PRKAR1B: variants seen among roughly 807,000 people sequenced by gnomAD.
PRKAR1B encodes the protein protein kinase cAMP-dependent type I regulatory subunit beta, also known as cAMP-dependent protein kinase type I-beta regulatory subunit.
A neutral mutation model predicts 46.5 loss-of-function variants in PRKAR1B; 22 were observed. The observed-to-expected ratio is 0.47, with a 90% CI of 0.34 to 0.68. The LOEUF is 0.68. Among genes scored for constraint, PRKAR1B ranks in the 30% least tolerant of loss-of-function variants. The pLI is 0.01. For missense variants in PRKAR1B, 445 were observed against 535.6 expected (o/e 0.83, Z 1.67); for synonymous variants, 259 against 217.7 (o/e 1.19, Z -1.67).
intron 3 of PRKAR1B, 146 bp from the exon 4 acceptor site, chr7:677,466 C>T: frequency 1.4e-6 from 1 of 702,670 alleles, no homozygotes; most frequent in Non-Finnish European, 2.5e-6. Flanking sequence ...TATTTCACCA[C>T]TGTTTTTTTC....
upstream of PRKAR1B, among the ~76,000 whole-genome samples, chr7:728,227 G>T (rs777587058): frequency 6.6e-6 from 1 of 152,154 alleles, no homozygotes; most frequent in Non-Finnish European, 1.5e-5. Flanking sequence ...GATAGCAGGC[G>T]CCTGCTTCCT....
chr7:677,145 C>A (rs1583403840), intron 4 of PRKAR1B, 84 bp downstream of exon 4: 12 of 1,339,860 alleles, frequency 9.0e-6, no homozygotes, highest in Non-Finnish European at 1.2e-5. Context: ...GGCAGTGATG[C>A]CCAGGCAAGT....
At chr7:725,075 G>A (rs957399762) in intron 1 of PRKAR1B, among the ~76,000 whole-genome samples, 2 of 152,076 alleles carry the variant, frequency 1.3e-5, no homozygotes, top group Admixed American at 6.5e-5. Flanking sequence ...TTAGCTGGGC[G>A]TGGTCGTGGG....
intron 9 of PRKAR1B, among the ~76,000 whole-genome samples, chr7:561,224 A>C (rs1778777787): frequency 6.6e-6 from 1 of 150,596 alleles, no homozygotes; most frequent in Non-Finnish European, 1.5e-5. Flanking sequence ...ACAGGCACAC[A>C]AACCTGTGCG....
intron 9 of PRKAR1B, among the ~76,000 whole-genome samples, chr7:568,313 C>A (rs922631841): frequency 6.6e-6 from 1 of 152,166 alleles, no homozygotes; most frequent in African/African-American, 2.4e-5. Context: ...CCCTCAGGAG[C>A]CTTTTCACCA....
At chr7:595,685 G>A (rs1175682839) in intron 7 of PRKAR1B, among the ~76,000 whole-genome samples, 1 of 152,156 alleles carries the variant, frequency 6.6e-6, no homozygotes, top group African/African-American at 2.4e-5. Context: ...CACAGTACAG[G>A]GTACGTGGCT....
At chr7:721,518 C>T (rs1781071471) in intron 1 of PRKAR1B, among the ~76,000 whole-genome samples, 1 of 152,146 alleles carries the variant, frequency 6.6e-6, no homozygotes, top group African/African-American at 2.4e-5. Flanking sequence ...CATGGTGGCA[C>T]ATGCCTGTAA....
intron 9 of PRKAR1B, among the ~76,000 whole-genome samples, chr7:555,370 G>C (rs996933321): frequency 1.3e-5 from 2 of 152,196 alleles, no homozygotes; most frequent in Non-Finnish European, 2.9e-5. Context: ...GGCCGTGCTC[G>C]GTGGTCTCTG....
chr7:703,634 C>G (rs1480764663), intron 2 of PRKAR1B, among the ~76,000 whole-genome samples: 1 of 142,832 alleles, frequency 7.0e-6, no homozygotes, highest in Non-Finnish European at 1.5e-5. Flanking sequence ...CCAGCCTGGG[C>G]AACAGAGCAA....
chr7:607,571 A>T, intron 4 of PRKAR1B, 119 bp from the exon 5 acceptor site: 1 of 887,112 alleles, frequency 1.1e-6, no homozygotes, highest in Non-Finnish European at 1.8e-6. Flanking sequence ...AAAATGAGAA[A>T]ATCCATGAGA....
chr7:656,441 GTGAA>G (rs1231590413), intron 4 of PRKAR1B, among the ~76,000 whole-genome samples: 28 of 152,312 alleles, frequency 1.8e-4, no homozygotes, highest in African/African-American at 6.7e-4. Context: ...GGATAAGTGG[GTGAA>G]TGAATGAGTG....
chr7:563,429 C>T (rs954207272), intron 9 of PRKAR1B, among the ~76,000 whole-genome samples: 3 of 152,294 alleles, frequency 2.0e-5, no homozygotes, highest in Non-Finnish European at 4.4e-5. Context: ...ACTGTCCACT[C>T]AGCAGGCGTC....
At chr7:554,664 CAG>C (rs1331591722) in intron 9 of PRKAR1B, among the ~76,000 whole-genome samples, 1 of 145,680 alleles carries the variant, frequency 6.9e-6, no homozygotes, top group African/African-American at 2.6e-5. Flanking sequence ...AGCCAGAAGA[CAG>C]GGGAGGCCAC....
At chr7:601,799 G>A (rs1781618472) in intron 6 of PRKAR1B, among the ~76,000 whole-genome samples, 1 of 152,178 alleles carries the variant, frequency 6.6e-6, no homozygotes. Flanking sequence ...CCAGGAAGTG[G>A]GCATCCACCC....
intron 1 of PRKAR1B, chr7:726,576 C>T (rs1441440518): frequency 3.6e-6 from 2 of 548,502 alleles, no homozygotes; most frequent in Admixed American, 5.1e-5. Context: ...CGGGCGAGCA[C>T]GACAAGAGCA....
intron 2 of PRKAR1B, among the ~76,000 whole-genome samples, chr7:693,760 C>T (rs1024727968): frequency 6.6e-6 from 1 of 152,106 alleles, no homozygotes; most frequent in Admixed American, 6.5e-5. Context: ...GGGCTGTGTA[C>T]CTAGGAGTGG....
At chr7:699,776 G>C (rs1235873839) in intron 2 of PRKAR1B, among the ~76,000 whole-genome samples, 1 of 152,200 alleles carries the variant, frequency 6.6e-6, no homozygotes, top group Non-Finnish European at 1.5e-5. Context: ...GCAAGCAGGA[G>C]CCAGACCCCG....
chr7:669,796 T>C (rs1403351680), intron 4 of PRKAR1B, among the ~76,000 whole-genome samples: 3 of 151,138 alleles, frequency 2.0e-5, no homozygotes, highest in Non-Finnish European at 2.9e-5. Flanking sequence ...TTGCAAACTT[T>C]ATGTGATATA....
Position 714,172 on chromosome 7 carries a change from G to A in PRKAR1B, c.-22-2645C>T, listed in dbSNP as rs1017367630. On this transcript the variant is annotated intron_variant, in intron 1 of 10. Coordinates refer to ENST00000537384, the MANE Select transcript of PRKAR1B (RefSeq NM_001164760.2). This position sits in a 1 kb window ranked among gnomAD's most constrained non-coding sequence, Gnocchi z 4.3. ...GACCCAGGTGCCACCTAACCAAGGC[G>A]ACGTCTCGCTTCGGGGGGCAGATGC... Among the ~76,000 whole-genome samples, 2 of 152,098 alleles carry A rather than the reference G, an allele frequency of 1.3e-5. No homozygotes were observed. The highest frequency in any genetic ancestry group is 4.8e-5 in the African/African-American group (2 of 41,400).
Sources: allele counts gnomAD v4.1 joint callset (sites outside exome capture counted in the v4.1 genomes callset), GRCh38; gene constraint gnomAD v4.1.1; non-coding constraint Gnocchi (gnomAD v3.1); transcripts MANE v1.5; gene names NCBI Gene and HGNC (gene_info 2026-07-23, HGNC 2026-07-21).